HS3ST4: variants seen among roughly 807,000 people sequenced by gnomAD.
The protein encoded by HS3ST4 is heparan sulfate-glucosamine 3-sulfotransferase 4.
Under a neutral mutation model 29.2 loss-of-function variants are expected in HS3ST4, and 17 were observed. That is an observed-to-expected ratio of 0.58 (90% CI 0.40 to 0.87). The LOEUF is 0.87. Ranked by LOEUF, HS3ST4 falls within the 40% of genes least tolerant of loss-of-function variation. HS3ST4 has a pLI of 0.00. For synonymous variants in HS3ST4, 314 were observed against 285.7 expected (o/e 1.10, Z -1.00); for missense variants, 627 against 634.5 (o/e 0.99, Z 0.13).
rs1436190854 is a variant in HS3ST4 at position 25,929,218 on chromosome 16, C to T, written c.735-206394C>T. Among the ~76,000 whole-genome samples the T allele has an allele frequency of 3.3e-5, 5 of 151,918 alleles. No individual in the cohort carries two copies. In the East Asian group the frequency reaches 7.7e-4, roughly 23 times the overall value. ...CCAATATGGTAAAACCCCGTCTCTA[C>T]TAAAAATACAAAAATTAGCTGGGTG... On this transcript the variant is annotated intron_variant, in intron 1 of 1. Transcript: ENST00000331351.
intron 1 of HS3ST4, among the ~76,000 whole-genome samples, chr16:25,934,189 A>G (rs1596618797): frequency 6.6e-6 from 1 of 152,184 alleles, no homozygotes; most frequent in Admixed American, 6.5e-5. Context: ...ATACTGGCAA[A>G]CGTTAGTGCA....
At chr16:25,697,185 G>A (rs998282496) in intron 1 of HS3ST4, among the ~76,000 whole-genome samples, 3 of 152,222 alleles carry the variant, frequency 2.0e-5, no homozygotes, top group Admixed American at 2.0e-4. Context: ...TGGTGAATAA[G>A]ATAGATGAAG....
chr16:25,791,503 C>T (rs556185398), intron 1 of HS3ST4, among the ~76,000 whole-genome samples: 1 of 152,162 alleles, frequency 6.6e-6, no homozygotes, highest in East Asian at 1.9e-4. Context: ...ATTTGGGGGA[C>T]AATTGGCATA....
At chr16:25,960,384 A>G (rs991625883) in intron 1 of HS3ST4, among the ~76,000 whole-genome samples, 6 of 152,198 alleles carry the variant, frequency 3.9e-5, no homozygotes. Flanking sequence ...AGTACAAGGT[A>G]CCTTAAAGGA....
chr16:26,068,983 G>C (rs954299359), intron 1 of HS3ST4, among the ~76,000 whole-genome samples: 9 of 152,156 alleles, frequency 5.9e-5, no homozygotes, highest in African/African-American at 2.2e-4. Flanking sequence ...ACGGGGTGTT[G>C]CTCTGTCGCC....
chr16:25,785,931 C>T (rs77328457), intron 1 of HS3ST4, among the ~76,000 whole-genome samples: 2 of 152,206 alleles, frequency 1.3e-5, no homozygotes, highest in East Asian at 3.9e-4. Flanking sequence ...TATTTGAAGA[C>T]ATAATGGTGG....
rs78911805 is a variant in HS3ST4, at chr16:26,021,647, A to G, written c.735-113965A>G. Among the ~76,000 whole-genome samples the G allele has an allele frequency of 6.9e-4, 105 of 151,954 alleles. 2 individuals carry two copies. In the East Asian group the frequency reaches 0.019, roughly 28 times the overall value. On this transcript the variant is annotated intron_variant, in intron 1 of 1. Transcript: ENST00000331351. ...ACAAACACAACCTCTAAGCACTTCC[A>G]ATCTAAGTTCTATTATTATTATTAT...
At chr16:25,836,001 T>G (rs192674137) in intron 1 of HS3ST4, among the ~76,000 whole-genome samples, 1 of 152,094 alleles carries the variant, frequency 6.6e-6, no homozygotes, top group East Asian at 1.9e-4. Flanking sequence ...GAGGGCTGGG[T>G]GGCGGAAATC....
chr16:25,948,744 A>G lies in HS3ST4; in HGVS notation c.735-186868A>G, dbSNP rs529363757. On this transcript the variant is annotated intron_variant, in intron 1 of 1. Transcript: ENST00000331351. ...TATGCCTAATGCTGATGGCTGCTGC[A>G]GTAGTCATCATCATGGTACCTACTG... Among the ~76,000 whole-genome samples, 17 of 152,300 alleles carry G rather than the reference A, an allele frequency of 1.1e-4. No homozygotes were observed. In the South Asian group the frequency reaches 3.5e-3, roughly 32 times the overall value.
intron 1 of HS3ST4, among the ~76,000 whole-genome samples, chr16:25,909,272 T>A (rs1234190536): frequency 5.3e-5 from 8 of 152,126 alleles, no homozygotes; most frequent in Admixed American, 5.2e-4. Context: ...CACTGCAACC[T>A]CCACCTCCAG....
intron 1 of HS3ST4, among the ~76,000 whole-genome samples, chr16:25,721,332 T>C (rs1567226816): frequency 6.6e-6 from 1 of 152,220 alleles, no homozygotes; most frequent in African/African-American, 2.4e-5. Flanking sequence ...AACACTCACT[T>C]ACTTTGAATT....
At chr16:26,078,539 GTGGTCTTATTAGAAAGGAT>G (rs1898692455) in intron 1 of HS3ST4, among the ~76,000 whole-genome samples, 1 of 152,206 alleles carries the variant, frequency 6.6e-6, no homozygotes, top group Admixed American at 6.5e-5. Flanking sequence ...CAGGTTTTGT[GTGGTCTTATTAGAAAGGAT>G]TGGCTGCTTT....
intron 1 of HS3ST4, among the ~76,000 whole-genome samples, chr16:26,040,799 C>G: frequency 6.6e-6 from 1 of 152,082 alleles, no homozygotes; most frequent in Non-Finnish European, 1.5e-5. Flanking sequence ...ATCATCATCA[C>G]TATTCATTTA....
At chr16:25,817,164 G>A (rs1051079031) in intron 1 of HS3ST4, among the ~76,000 whole-genome samples, 2 of 152,228 alleles carry the variant, frequency 1.3e-5, no homozygotes, top group Non-Finnish European at 2.9e-5. Flanking sequence ...TCACTCTTCA[G>A]TGTCCTCAAC....
At chr16:25,763,186 T>C (rs943390314) in intron 1 of HS3ST4, among the ~76,000 whole-genome samples, 3 of 152,104 alleles carry the variant, frequency 2.0e-5, no homozygotes, top group African/African-American at 7.2e-5. Context: ...GGTAAGGTCA[T>C]GTGAGGTCTA....
intron 1 of HS3ST4, among the ~76,000 whole-genome samples, chr16:25,881,417 C>T (rs1337542884): frequency 6.6e-6 from 1 of 152,054 alleles, no homozygotes; most frequent in African/African-American, 2.4e-5. Flanking sequence ...GTTTATTAGA[C>T]ATGTAAAATT....
rs563530883 is a variant in HS3ST4, at chr16:26,017,639, G to A, written c.735-117973G>A. Among the ~76,000 whole-genome samples, 25 of 152,254 alleles carry A rather than the reference G, an allele frequency of 1.6e-4. 1 individual carries two copies. Among genetic ancestry groups the A allele is most frequent in the African/African-American group, 3.6e-4 (15 of 41,566 alleles). On this transcript the variant is annotated intron_variant, in intron 1 of 1. Coordinates refer to ENST00000331351, the MANE Select transcript of HS3ST4 (RefSeq NM_006040.3). ...TTTACTGTTAAATGAGAATCCTCCC[G>A]TATCAGAAAGGTATTTCTTCAATAT... is the stretch of plus-strand genomic sequence containing the variant.
intron 1 of HS3ST4, among the ~76,000 whole-genome samples, chr16:25,736,790 A>G (rs914392110): frequency 1.3e-5 from 2 of 152,088 alleles, no homozygotes; most frequent in Non-Finnish European, 2.9e-5. Flanking sequence ...CAGAGTTTCT[A>G]AAGAGTGTTG....
chr16:26,025,547 C>T (rs78998562), intron 1 of HS3ST4, among the ~76,000 whole-genome samples: 6,519 of 152,274 alleles, frequency 0.043, 182 homozygotes, highest in Middle Eastern at 0.082. Flanking sequence ...AACGCTGCCA[C>T]GCAAAGGAGT....
Sources: gnomAD v4.1 joint callset for allele counts (sites outside exome capture counted in the v4.1 genomes callset) on GRCh38, gnomAD v4.1.1 for gene constraint, MANE v1.5 for transcripts, NCBI Gene and HGNC (gene_info 2026-07-23, HGNC 2026-07-21) for gene names.